LTN1: variants seen among roughly 807,000 people sequenced by gnomAD.
The protein encoded by LTN1 is listerin E3 ubiquitin protein ligase 1.
A neutral mutation model predicts 201.2 loss-of-function variants in LTN1; 88 were observed. That is an observed-to-expected ratio of 0.44 (90% CI 0.37 to 0.52). LTN1 has a LOEUF of 0.52. LTN1 is among the 20% of genes least tolerant of loss of function. LTN1 has a pLI of 0.00. For missense variants in LTN1, 1,752 were observed against 2,038.7 expected (o/e 0.86, Z 2.71); for synonymous variants, 645 against 713.5 (o/e 0.90, Z 1.53).
In LTN1 at chr21:28,946,243, T is replaced by C. The variant is rs377419736; in HGVS notation, c.3532A>G (p.Lys1178Glu). The C allele has an allele frequency of 1.8e-5, 28 of 1,587,392 alleles. No homozygotes were observed. Among genetic ancestry groups the C allele is most frequent in the Non-Finnish European group, 2.2e-5 (26 of 1,170,772 alleles). ...AATAGCTCTCCATCATCTATACTTT[T>C]GGTTTGCAGACAAGAATTGAAAATG... ...LAIFNSCLQTKSIDDGELLHG... is the reference protein window; with the variant it reads ...LAIFNSCLQTESIDDGELLHG... The change falls in exon 20 of 30, where the codon AAA (lysine) becomes GAA (glutamate). Residue 1178 changes from lysine to glutamate, a missense_variant. Physicochemically the swap from Lys to Glu is moderately conservative, Grantham distance 56. Around this residue, in one of 3 missense-constraint regions of LTN1, gnomAD observed 1,211 missense variants for 1,312.8 expected, o/e 0.92. Transcript: ENST00000361371.
intron 1 of LTN1, among the ~76,000 whole-genome samples, chr21:28,992,158 CAA>C (rs1001752202): frequency 1.3e-5 from 2 of 152,178 alleles, no homozygotes; most frequent in Non-Finnish European, 2.9e-5. Flanking sequence ...GTGTCGAGAG[CAA>C]AGTTTGGAGC....
At chr21:28,947,156 G>T (rs994731492) in intron 19 of LTN1, among the ~76,000 whole-genome samples, 1 of 152,142 alleles carries the variant, frequency 6.6e-6, no homozygotes, top group African/African-American at 2.4e-5. Context: ...TACAACAGAC[G>T]CTATTTTTGC....
intron 6 of LTN1, among the ~76,000 whole-genome samples, chr21:28,978,020 C>A (rs1171513454): frequency 1.3e-5 from 2 of 150,968 alleles, no homozygotes; most frequent in Admixed American, 6.6e-5. Flanking sequence ...TAATTTAGGG[C>A]AAATTTCTGA....
At position 28,928,397 on chromosome 21, in the gene LTN1, T is replaced by C. The variant is rs193221169; in HGVS notation, c.*2051A>G. ...ACACTTATGTACATACATTGGAGCA[T>C]GTGATAAAAGAGTCAAAAATAAATT... is the stretch of plus-strand genomic sequence containing the variant. On this transcript the variant is annotated 3_prime_UTR_variant, in exon 30 of 30. Transcript: ENST00000361371. 4.2e-3 allele frequency: 646 copies of C among 152,528 alleles called. 2 individuals carry two copies. Among genetic ancestry groups the C allele is most frequent in the African/African-American group, 0.015 (607 of 41,578 alleles). 9.4% of individuals were successfully genotyped at this position (152,528 alleles called of 1,614,324 possible).
chr21:28,972,231 C>T (rs914606447), intron 6 of LTN1, among the ~76,000 whole-genome samples: 1 of 152,308 alleles, frequency 6.6e-6, no homozygotes, highest in Non-Finnish European at 1.5e-5. Context: ...ACTGAATCTG[C>T]TGGCACCTTG....
At chr21:28,958,643 C>T (rs1438720212) in intron 13 of LTN1, 104 bp from the exon 14 acceptor site, 1 of 828,498 alleles carries the variant, frequency 1.2e-6, no homozygotes, top group Non-Finnish European at 1.8e-6. Context: ...TTTTAAATAC[C>T]ATTTAAAAAA....
At position 28,986,596 on chromosome 21, in the gene LTN1, G is replaced by C; in HGVS notation, c.246+135C>G. ...AAATATCAACTAAGTTTAAGACTCT[G>C]TGTCAGAAAAAAGTACAATTATAAA... On this transcript the variant is annotated intron_variant, in intron 2 of 29. Coordinates refer to ENST00000361371, the MANE Select transcript of LTN1 (RefSeq NM_015565.3). The surrounding 1 kb of genome is among the most constrained non-coding windows in gnomAD (Gnocchi z 4.1). The C allele has an allele frequency of 7.1e-6, 5 of 701,674 alleles. No homozygotes were observed. The highest frequency in any genetic ancestry group is 1.2e-5 in the Non-Finnish European group (5 of 422,222). 43.5% of individuals were successfully genotyped at this position (701,674 alleles called of 1,614,324 possible). A position where few individuals can be genotyped will look rare whatever the true frequency, so the allele number is the denominator to read the frequency against.
intron 27 of LTN1, among the ~76,000 whole-genome samples, chr21:28,932,946 T>C (rs2146253202): frequency 6.6e-6 from 1 of 152,352 alleles, no homozygotes; most frequent in South Asian, 2.1e-4. Flanking sequence ...TCAATAAACC[T>C]TGAATAGATA....
intron 16 of LTN1, among the ~76,000 whole-genome samples, chr21:28,954,908 G>A (rs1272530269): frequency 2.6e-5 from 4 of 152,062 alleles, no homozygotes; most frequent in Non-Finnish European, 5.9e-5. Flanking sequence ...CTTCAAAAGC[G>A]AAGGCAACAA....
At position 28,970,700 on chromosome 21, in the gene LTN1, T is replaced by C. The variant is rs759298075; in HGVS notation, c.1027A>G (p.Lys343Glu). 1.2e-6 allele frequency: 2 copies of C among 1,613,944 alleles called. No homozygotes were observed. Among genetic ancestry groups the C allele is most frequent in the East Asian group, 4.5e-5 (2 of 44,860 alleles). ...CCTTCACGAATCACAGTTGATAGCTTGGGAAACACACTCTTTTTTGCATTT... is the reference window on the plus strand; with the variant it reads ...CCTTCACGAATCACAGTTGATAGCTCGGGAAACACACTCTTTTTTGCATTT... Reference protein sequence around the residue: ...HVNAKKSVFPKLSTVIREGGR... With the variant: ...HVNAKKSVFPELSTVIREGGR... The change falls in exon 8 of 30, where the codon AAG (lysine) becomes GAG (glutamate). Residue 343 changes from lysine to glutamate, a missense_variant. Transcript: ENST00000361371.
chr21:28,946,865 AC>A (rs2084341863), intron 19 of LTN1, among the ~76,000 whole-genome samples: 1 of 152,138 alleles, frequency 6.6e-6, no homozygotes, highest in African/African-American at 2.4e-5. Context: ...GTTTTTGTGT[AC>A]CTGGAATGCC....
chr21:28,955,161 G>T (rs568144917), intron 16 of LTN1, among the ~76,000 whole-genome samples: 1 of 152,174 alleles, frequency 6.6e-6, no homozygotes, highest in Non-Finnish European at 1.5e-5. Flanking sequence ...CAGTTAGAAT[G>T]CCTCTTGTCA....
At chr21:28,991,461 CTGA>C (rs746015916) in intron 1 of LTN1, among the ~76,000 whole-genome samples, 6 of 152,202 alleles carry the variant, frequency 3.9e-5, no homozygotes, top group Non-Finnish European at 8.8e-5. Flanking sequence ...AAGATACATG[CTGA>C]TGTATTTAGG....
intron 13 of LTN1, among the ~76,000 whole-genome samples, chr21:28,959,188 A>G (rs2084452986): frequency 6.6e-6 from 1 of 152,240 alleles, no homozygotes; most frequent in African/African-American, 2.4e-5. Flanking sequence ...AACATGCCAG[A>G]ACTACTGAAT....
intron 18 of LTN1, 44 bp downstream of exon 18, chr21:28,952,116 G>T: frequency 2.5e-6 from 3 of 1,183,144 alleles, no homozygotes; most frequent in Non-Finnish European, 2.4e-6. Flanking sequence ...CAAAGTGACC[G>T]ATTACAGTAA....
In LTN1 at chr21:28,971,391, C is replaced by T. The variant is rs372123362; in HGVS notation, c.864G>A (p.Gln288=). ...CTTTGGATGCTTCCTCTTTCATCAA[C>T]TGTGGAATGCGCTGGCACAATGCAG... ...LVSALCQRIP[Q]LMKEEASKVS... is the part of the protein sequence containing the mutation. Residue 288 remains glutamine, a synonymous_variant, in exon 7 of 30, where the codon CAG becomes CAA. Transcript: ENST00000361371. The T allele has an allele frequency of 3.7e-6, 6 of 1,613,950 alleles. No individual in the cohort carries two copies. The highest frequency in any genetic ancestry group is 5.1e-6 in the Non-Finnish European group (6 of 1,180,010).
chr21:28,951,946 G>A (rs1023170150), intron 18 of LTN1, among the ~76,000 whole-genome samples: 14 of 152,122 alleles, frequency 9.2e-5, no homozygotes, highest in Middle Eastern at 3.4e-3. Flanking sequence ...CTCCAGCCTG[G>A]GCAACAGAGT....
rs2084697326 is a variant in LTN1, at chr21:28,986,236, G to T, written c.248C>A (p.Ala83Asp). ...SKKDVTTKLK[A>D]MQEFGTMCTE... is the part of the protein sequence containing the mutation. The stretch of plus-strand genomic sequence containing the variant: ...ACACATGGTTCCAAATTCCTGCATA[G>T]CCTAAAAGTAAGTTATTAACATCAT... Residue 83 changes from alanine to aspartate, a missense_variant and splice_region_variant, in exon 3 of 30, where the codon GCT becomes GAT. Ala to Asp is a moderately radical substitution (Grantham distance 126). Around this residue, in one of 3 missense-constraint regions of LTN1, gnomAD observed 280 missense variants for 375.7 expected, o/e 0.75. Transcript: ENST00000361371. This position sits in a 1 kb window ranked among gnomAD's most constrained non-coding sequence, Gnocchi z 4.1. 6.4e-7 allele frequency: 1 copy of T among 1,572,064 alleles called. No homozygotes were observed. Among genetic ancestry groups the T allele is most frequent in the Non-Finnish European group, 8.8e-7 (1 of 1,142,574 alleles).
At chr21:28,972,238 C>T (rs1410395602) in intron 6 of LTN1, among the ~76,000 whole-genome samples, 1 of 152,124 alleles carries the variant, frequency 6.6e-6, no homozygotes, top group African/African-American at 2.4e-5. Flanking sequence ...CTGCTGGCAC[C>T]TTGATCTTGA....
Sources: allele counts gnomAD v4.1 joint callset (sites outside exome capture counted in the v4.1 genomes callset), GRCh38; gene constraint gnomAD v4.1.1; regional missense constraint gnomAD v4.1.1; non-coding constraint Gnocchi (gnomAD v3.1); transcripts MANE v1.5; gene names NCBI Gene and HGNC (gene_info 2026-07-23, HGNC 2026-07-21).